Variants in ASH1L observed in about 807,000 individuals in gnomAD.
ASH1L encodes the protein histone-lysine N-methyltransferase ASH1L.
A neutral mutation model predicts 269.0 loss-of-function variants in ASH1L; 23 were observed. That is an observed-to-expected ratio of 0.09 (90% confidence interval 0.06 to 0.12). The LOEUF is 0.12. ASH1L is among the 10% of genes least tolerant of loss of function. The pLI is 1.00. For synonymous variants in ASH1L, 1,187 were observed against 1,253.5 expected, an observed-to-expected ratio of 0.95 and a Z score of 1.12; for missense variants, 2,912 against 3,567.8, an observed-to-expected ratio of 0.82 and a Z score of 4.68.
At chr1:155,360,690 C>T (rs529742528) in intron 12 of ASH1L, among the ~76,000 whole-genome samples, 5 of 151,794 alleles carry the variant, frequency 3.3e-5, no homozygotes, top group South Asian at 4.2e-4. Context: ...GTGATCTGCC[C>T]GCCTCGGCCT....
chr1:155,446,233 G>A (rs765697327), intron 4 of ASH1L, among the ~76,000 whole-genome samples: 4 of 150,024 alleles, frequency 2.7e-5, no homozygotes, highest in Admixed American at 6.7e-5. Flanking sequence ...TAAATTTATC[G>A]TTAAGACTTT....
chr1:155,372,549 T>C (rs373363269), intron 10 of ASH1L, among the ~76,000 whole-genome samples: 2 of 151,948 alleles, frequency 1.3e-5, no homozygotes, highest in African/African-American at 4.8e-5. Context: ...CCTCAAGTGA[T>C]CCGCCCACCT....
At chr1:155,530,563 T>A (rs1195817932) in intron 1 of ASH1L, among the ~76,000 whole-genome samples, 5 of 140,842 alleles carry the variant, frequency 3.6e-5, no homozygotes, top group African/African-American at 5.3e-5. Flanking sequence ...CCGTCTCTAC[T>A]AAAAAAAAAA....
At chr1:155,434,573 TG>T in intron 5 of ASH1L, among the ~76,000 whole-genome samples, 1 of 147,976 alleles carries the variant, frequency 6.8e-6, no homozygotes, top group Non-Finnish European at 1.5e-5. Flanking sequence ...TTTAGGATGG[TG>T]GGGCGCCGTA....
chr1:155,489,794 CAA>C (rs1188460715), intron 2 of ASH1L, among the ~76,000 whole-genome samples: 7 of 42,696 alleles, frequency 1.6e-4, no homozygotes, highest in Non-Finnish European at 2.9e-4. Flanking sequence ...GACACTGTCT[CAA>C]AATAAATAAA....
intron 16 of ASH1L, among the ~76,000 whole-genome samples, chr1:155,353,731 T>C (rs1390927678): frequency 6.6e-6 from 1 of 152,078 alleles, no homozygotes; most frequent in East Asian, 1.9e-4. Context: ...CCACTGAATC[T>C]GAATGTGAGA....
chr1:155,360,253 A>G, intron 13 of ASH1L, 48 bp downstream of exon 13: 1 of 1,233,590 alleles, frequency 8.1e-7, no homozygotes, highest in Non-Finnish European at 1.2e-6. Context: ...TTATTACAGC[A>G]TTGTAAGGGA....
At chr1:155,492,295 G>A (rs1369576118) in intron 2 of ASH1L, among the ~76,000 whole-genome samples, 2 of 148,110 alleles carry the variant, frequency 1.4e-5, no homozygotes, top group Non-Finnish European at 1.5e-5. Flanking sequence ...CGCCAGCCTC[G>A]GCCTCCCAAA....
At chr1:155,367,101 C>T (rs1655500299) in intron 12 of ASH1L, among the ~76,000 whole-genome samples, 3 of 144,350 alleles carry the variant, frequency 2.1e-5, no homozygotes, top group Non-Finnish European at 4.5e-5. Flanking sequence ...TCAAGTGATT[C>T]TCTTGCCTCA....
intron 6 of ASH1L, among the ~76,000 whole-genome samples, chr1:155,398,875 C>T (rs1658587985): frequency 6.6e-6 from 1 of 151,884 alleles, no homozygotes; most frequent in Non-Finnish European, 1.5e-5. Flanking sequence ...TGCATGCTAC[C>T]ACGAAGGGAT....
At chr1:155,337,842 G>A in intron 27 of ASH1L, 91 bp from the exon 28 acceptor site, 1 of 1,305,178 alleles carries the variant, frequency 7.7e-7, no homozygotes, top group African/African-American at 1.5e-5. Context: ...CGAACTCAAT[G>A]ATTCCTTTTC....
intron 2 of ASH1L, among the ~76,000 whole-genome samples, chr1:155,488,607 T>C (rs1426312483): frequency 8.3e-6 from 1 of 120,256 alleles, no homozygotes; most frequent in Non-Finnish European, 1.6e-5. Context: ...AGGCGGAGGA[T>C]GCAGTGAGCC....
At chr1:155,476,594 C>T (rs1485563975) in intron 3 of ASH1L, among the ~76,000 whole-genome samples, 1 of 150,992 alleles carries the variant, frequency 6.6e-6, no homozygotes, top group Non-Finnish European at 1.5e-5. Flanking sequence ...CTCTGTTGCC[C>T]AGGCTGAAGT....
chr1:155,485,535 T>C (rs1271935188), intron 2 of ASH1L, among the ~76,000 whole-genome samples: 1 of 152,166 alleles, frequency 6.6e-6, no homozygotes, highest in Non-Finnish European at 1.5e-5. Context: ...GTAATACATA[T>C]AGTAATTTTG....
At chr1:155,352,577 G>T in intron 17 of ASH1L, 129 bp downstream of exon 17, 1 of 931,364 alleles carries the variant, frequency 1.1e-6, no homozygotes, top group Non-Finnish European at 1.5e-6. Context: ...GGCCTAGACA[G>T]AAGGATCACT....
intron 20 of ASH1L, among the ~76,000 whole-genome samples, 175 bp from the exon 21 acceptor site, chr1:155,346,644 A>G (rs1178781290): frequency 6.6e-6 from 1 of 152,214 alleles, no homozygotes; most frequent in East Asian, 1.9e-4. Flanking sequence ...AAACAAAATA[A>G]TGACTGTTCT....
chr1:155,392,979 C>A (rs929011419), intron 7 of ASH1L, among the ~76,000 whole-genome samples: 2 of 151,998 alleles, frequency 1.3e-5, no homozygotes, highest in African/African-American at 4.8e-5. Flanking sequence ...TGAGCCACCG[C>A]GTCCAGCCTT....
intron 1 of ASH1L, among the ~76,000 whole-genome samples, chr1:155,523,080 C>T (rs1348728379): frequency 6.6e-6 from 1 of 152,134 alleles, no homozygotes; most frequent in African/African-American, 2.4e-5. Flanking sequence ...AAACATATGT[C>T]TGAGTCAAGA....
At chr1:155,544,630 G>A (rs1055420990) in intron 1 of ASH1L, among the ~76,000 whole-genome samples, 1 of 151,890 alleles carries the variant, frequency 6.6e-6, no homozygotes, top group Admixed American at 6.6e-5. Context: ...AAACCATAAA[G>A]AAAAATAGTG....
Sources: gnomAD v4.1 joint callset for allele counts (sites outside exome capture counted in the v4.1 genomes callset) on GRCh38, gnomAD v4.1.1 for gene constraint, MANE v1.5 for transcripts, NCBI Gene and HGNC (gene_info 2026-07-23, HGNC 2026-07-21) for gene names.